Variants in USP31 observed in about 807,000 individuals in gnomAD.
USP31 encodes ubiquitin carboxyl-terminal hydrolase 31.
A neutral mutation model predicts 119.4 loss-of-function variants in USP31; 44 were observed. That is an observed-to-expected ratio of 0.37 (90% CI 0.29 to 0.47). The LOEUF is 0.47. USP31 is among the 20% of genes least tolerant of loss of function. The pLI is 0.99. For missense variants in USP31, 1,643 were observed against 1,730.2 expected (o/e 0.95, Z 0.89); for synonymous variants, 749 against 705.6 (o/e 1.06, Z -0.97).
chr16:23,085,753 T>C (rs1262649622), intron 9 of USP31, 91 bp from the exon 10 acceptor site: 2 of 1,122,820 alleles, frequency 1.8e-6, no homozygotes, highest in East Asian at 2.4e-5. Flanking sequence ...CCCAAAATCA[T>C]AATTTCAGGT....
In USP31 at chr16:23,069,405, C is replaced by A. The variant is rs754910862; in HGVS notation, c.2700G>T (p.Gly900=). ...HSSASTLEKI[G]EAADDKVSIS... ...TGGAGACCTTGTCATCTGCTGCCTC[C>A]CCAATCTTCTCCAAGGTGGAAGCAG... The change falls in exon 16 of 16, where the codon GGG becomes GGT. Residue 900 remains glycine (G), a synonymous_variant. Coordinates refer to ENST00000219689, the MANE Select transcript of USP31 (RefSeq NM_020718.4). The A allele has an allele frequency of 1.2e-6, 2 of 1,613,188 alleles. No individual in the cohort carries two copies. Among genetic ancestry groups the A allele is most frequent in the East Asian group, 4.5e-5 (2 of 44,842 alleles).
chr16:23,113,985 A>G (rs761548993), intron 1 of USP31, among the ~76,000 whole-genome samples: 2 of 152,108 alleles, frequency 1.3e-5, no homozygotes, highest in African/African-American at 4.8e-5. Context: ...GGCGCCTGTA[A>G]TCCCAGCTAT....
intron 1 of USP31, among the ~76,000 whole-genome samples, chr16:23,116,324 G>A (rs1902483936): frequency 6.6e-6 from 1 of 152,180 alleles, no homozygotes; most frequent in Non-Finnish European, 1.5e-5. Flanking sequence ...GTGAAATCTG[G>A]TTTATGGGCT....
intron 1 of USP31, among the ~76,000 whole-genome samples, chr16:23,128,213 G>A (rs1223307312): frequency 1.3e-5 from 2 of 152,128 alleles, no homozygotes; most frequent in Admixed American, 1.3e-4. Context: ...CAGTACCGCT[G>A]TACCAAAGGA....
At chr16:23,130,419 C>G (rs998040899) in intron 1 of USP31, among the ~76,000 whole-genome samples, 1 of 150,476 alleles carries the variant, frequency 6.6e-6, no homozygotes, top group Non-Finnish European at 1.5e-5. Context: ...CACCCCCCCC[C>G]CAACTAATAT....
chr16:23,085,997 CCAAA>C (rs1240138737), intron 9 of USP31, among the ~76,000 whole-genome samples: 4 of 152,110 alleles, frequency 2.6e-5, no homozygotes, highest in Non-Finnish European at 5.9e-5. Flanking sequence ...TTTCACCCAC[CCAAA>C]CAGACACTGG....
chr16:23,118,959 C>A (rs1275069129), intron 1 of USP31, among the ~76,000 whole-genome samples: 1 of 151,890 alleles, frequency 6.6e-6, no homozygotes. Context: ...GGTGACACTG[C>A]AAGGCTCTGT....
intron 1 of USP31, among the ~76,000 whole-genome samples, chr16:23,141,826 A>G (rs763988655): frequency 6.6e-6 from 1 of 152,210 alleles, no homozygotes; most frequent in African/African-American, 2.4e-5. Context: ...ACTATATACA[A>G]ATGACTTGTA....
At chr16:23,142,453 G>A (rs1035737366) in intron 1 of USP31, among the ~76,000 whole-genome samples, 2 of 152,314 alleles carry the variant, frequency 1.3e-5, no homozygotes, top group Admixed American at 6.5e-5. Flanking sequence ...GTTTCAGCAC[G>A]TCCCCTCTGC....
rs955615558 is a variant in USP31, at chr16:23,062,838, C to G, written c.*5208G>C. The G allele has an allele frequency of 6.6e-6, 1 of 152,578 alleles. No homozygotes were observed. The highest frequency in any genetic ancestry group is 2.4e-5 in the African/African-American group (1 of 41,426). 9.5% of individuals were successfully genotyped at this position (152,578 alleles called of 1,614,324 possible). A position where few individuals can be genotyped will look rare whatever the true frequency, so the allele number is the denominator to read the frequency against. On this transcript the variant is annotated 3_prime_UTR_variant, in exon 16 of 16. Transcript: ENST00000219689. The stretch of plus-strand genomic sequence containing the variant: ...ATGGGAGTTTGATATCAGTATCTCT[C>G]AATTCTTTTTATTCTTATTTTTTCT...
At chr16:23,098,098 T>G (rs1431541503) in intron 6 of USP31, among the ~76,000 whole-genome samples, 1 of 152,196 alleles carries the variant, frequency 6.6e-6, no homozygotes, top group Non-Finnish European at 1.5e-5. Flanking sequence ...CAAAATCTCC[T>G]TAAACTGATA....
chr16:23,134,702 A>T (rs1248556802), intron 1 of USP31, among the ~76,000 whole-genome samples: 1 of 151,890 alleles, frequency 6.6e-6, no homozygotes, highest in African/African-American at 2.4e-5. Flanking sequence ...AAAGAAAGAA[A>T]GAAAAATTAT....
At chr16:23,108,308 G>C (rs180745090) in intron 1 of USP31, 125 bp from the exon 2 acceptor site, 121 of 1,332,406 alleles carry the variant, frequency 9.1e-5, no homozygotes, top group Admixed American at 2.1e-4. Flanking sequence ...CCCAGAAGGA[G>C]TGCAAAGTAA....
At position 23,068,829 on chromosome 16, in the gene USP31, A is replaced by G. The variant is rs778179137; in HGVS notation, c.3276T>C (p.Pro1092=). 17 of 1,557,912 alleles carry G rather than the reference A, an allele frequency of 1.1e-5. No homozygotes were observed. The South Asian group carries it at 2.1e-4, about 20-fold the overall frequency. Reference sequence around the variant, plus strand: ...GGGATGACTCCTTTTTGGGTTGGGCAGGGGCAGGGGATGAATGCCGTCCAC... The same window carrying G: ...GGGATGACTCCTTTTTGGGTTGGGCGGGGGCAGGGGATGAATGCCGTCCAC... ...RGSGRHSSPA[P]AQPKKESSPK... is the part of the protein sequence containing the mutation. The change falls in exon 16 of 16, where the codon CCT becomes CCC. Residue 1092 remains proline, a synonymous_variant. Transcript: ENST00000219689.
At chr16:23,075,299 G>A (rs1465600399) in intron 13 of USP31, among the ~76,000 whole-genome samples, 1 of 152,168 alleles carries the variant, frequency 6.6e-6, no homozygotes, top group South Asian at 2.1e-4. Flanking sequence ...TTCTGGAGTG[G>A]TGAGTGGGAG....
chr16:23,133,801 C>T (rs1229093123), intron 1 of USP31, among the ~76,000 whole-genome samples: 3 of 152,130 alleles, frequency 2.0e-5, no homozygotes, highest in Non-Finnish European at 2.9e-5. Context: ...ATTGGCCAGG[C>T]GCAGTGGCTC....
rs1192876249 is a variant in USP31, at chr16:23,068,839, G to A, written c.3266C>T (p.Ser1089Phe). The A allele has an allele frequency of 6.4e-7, 1 of 1,565,544 alleles. No individual in the cohort carries two copies. The highest frequency in any genetic ancestry group is 1.2e-5 in the South Asian group (1 of 81,026). The change falls in exon 16 of 16, where the codon TCC (serine) becomes TTC (phenylalanine). Residue 1089 changes from serine to phenylalanine, a missense_variant. Ser to Phe is a radical substitution (Grantham distance 155). Coordinates refer to ENST00000219689, the MANE Select transcript of USP31 (RefSeq NM_020718.4). ...SSSRGSGRHS[S>F]PAPAQPKKES... ...CTTTTTGGGTTGGGCAGGGGCAGGGGATGAATGCCGTCCACTGCCCCTGGA... is the reference window on the plus strand; with the variant it reads ...CTTTTTGGGTTGGGCAGGGGCAGGGAATGAATGCCGTCCACTGCCCCTGGA...
chr16:23,129,965 T>A (rs1902978659), intron 1 of USP31, among the ~76,000 whole-genome samples: 1 of 152,154 alleles, frequency 6.6e-6, no homozygotes, highest in South Asian at 2.1e-4. Flanking sequence ...GAAATAATAA[T>A]GCTAACAGAT....
chr16:23,066,265 TA>T lies in USP31; in HGVS notation c.*1780del, dbSNP rs1463032852. The T allele has an allele frequency of 2.0e-5, 3 of 152,624 alleles. No homozygotes were observed. Among genetic ancestry groups the T allele is most frequent in the Non-Finnish European group, 4.4e-5 (3 of 68,048 alleles). The allele number at this position is 152,624 out of a possible 1,614,324, so 9.5% of individuals were successfully genotyped here. A position where few individuals can be genotyped will look rare whatever the true frequency, so the allele number is the denominator to read the frequency against. On this transcript the variant is annotated 3_prime_UTR_variant, in exon 16 of 16. Coordinates refer to ENST00000219689, the MANE Select transcript of USP31 (RefSeq NM_020718.4). ...TTCACAAGGCTAAATGTCTAAATCT[TA>T]AATACTGCCAAGGGTCTAAAATTCC...
Sources: gnomAD v4.1 joint callset for allele counts (sites outside exome capture counted in the v4.1 genomes callset) on GRCh38, gnomAD v4.1.1 for gene constraint, MANE v1.5 for transcripts, NCBI Gene and HGNC (gene_info 2026-07-23, HGNC 2026-07-21) for gene names.